Variants in MAP3K20 observed in about 807,000 individuals in gnomAD.
The protein encoded by MAP3K20 is HCCS-4.
In MAP3K20, 40 loss-of-function variants were observed where a neutral mutation model predicts 85.7. That is an observed-to-expected ratio of 0.47 (90% CI 0.36 to 0.61). MAP3K20 has a LOEUF of 0.61. Ranked by LOEUF, MAP3K20 falls within the 20% of genes least tolerant of loss-of-function variation. MAP3K20 has a pLI of 0.00. For missense variants in MAP3K20, 817 were observed against 961.7 expected (o/e 0.85, Z 1.99); for synonymous variants, 325 against 327.7 (o/e 0.99, Z 0.09).
intron 1 of MAP3K20, among the ~76,000 whole-genome samples, chr2:173,088,037 A>G (rs1687188597): frequency 6.6e-6 from 1 of 150,912 alleles, no homozygotes; most frequent in Non-Finnish European, 1.5e-5. Flanking sequence ...GCCTAGAAGG[A>G]GTGTCTCTAA....
intron 2 of MAP3K20, among the ~76,000 whole-genome samples, chr2:173,134,424 A>ATTTTT (rs1315509260): frequency 1.2e-3 from 6 of 5,036 alleles, no homozygotes; most frequent in East Asian, 4.3e-3. Flanking sequence ...ATATATATAT[A>ATTTTT]TATATTTTTT....
chr2:173,095,688 G>A (rs1687437439), intron 2 of MAP3K20, among the ~76,000 whole-genome samples: 1 of 152,118 alleles, frequency 6.6e-6, no homozygotes. Flanking sequence ...ATTCTTCTCA[G>A]ATGTATAACA....
chr2:173,084,201 G>T lies in MAP3K20; in HGVS notation c.-34-6797G>T, dbSNP rs532303971. On this transcript the variant is annotated intron_variant, in intron 1 of 19. Transcript: ENST00000375213. ...TGGGATTGCAGGTGTGAGCCACTGT[G>T]CCCGGCCAAAGTAGATTTAATTTTT... Among the ~76,000 whole-genome samples, 18 of 152,264 alleles carry T rather than the reference G, an allele frequency of 1.2e-4. No homozygotes were observed. The South Asian group carries it at 3.7e-3, about 32-fold the overall frequency.
intron 3 of MAP3K20, among the ~76,000 whole-genome samples, chr2:173,179,218 C>T (rs1690252710): frequency 1.3e-5 from 2 of 151,728 alleles, no homozygotes; most frequent in South Asian, 4.2e-4. Flanking sequence ...ACAGTGAAAC[C>T]CCGTCTCTAC....
chr2:173,134,411 TATA>T (rs1688725352), intron 2 of MAP3K20, among the ~76,000 whole-genome samples: 5 of 10,180 alleles, frequency 4.9e-4, no homozygotes, highest in South Asian at 1.8e-3. Context: ...TATATATATA[TATA>T]TATATATATA....
chr2:173,140,037 G>A (rs188037748), intron 2 of MAP3K20, among the ~76,000 whole-genome samples: 2,011 of 150,684 alleles, frequency 0.013, 25 homozygotes, highest in Middle Eastern at 0.024. Context: ...ATTAGATGGA[G>A]TTTCACTCTT....
Position 173,153,970 on chromosome 2 carries a change from CAG to C in MAP3K20, c.160-15830_160-15829del, listed in dbSNP as rs1381254713. ...TCCACGGATATGGAGCCCGCAGATA[CAG>C]AGAGTCGACTGTTTGTTTTCTTGCT... On this transcript the variant is annotated intron_variant, in intron 2 of 19. Coordinates refer to ENST00000375213, the MANE Select transcript of MAP3K20 (RefSeq NM_016653.3). Among the ~76,000 whole-genome samples the C allele has an allele frequency of 1.1e-4, 16 of 152,224 alleles. No individual in the cohort carries two copies. The South Asian group carries it at 2.1e-3, about 20-fold the overall frequency.
chr2:173,169,825 C>T lies in MAP3K20; in HGVS notation c.180C>T (p.Leu60=), dbSNP rs1689948333. Residue 60 remains leucine, a synonymous_variant, in exon 3 of 20, where the codon CTC becomes CTT. Coordinates refer to ENST00000375213, the MANE Select transcript of MAP3K20 (RefSeq NM_016653.3). ...IEKEAEILSV[L]SHRNIIQFYG... ...TACAGGCAGAAATACTCAGTGTCCT[C>T]AGTCACAGAAACATCATCCAGTTTT... 2 of 1,613,818 alleles carry T rather than the reference C, an allele frequency of 1.2e-6. No individual in the cohort carries two copies. The highest frequency in any genetic ancestry group is 8.5e-7 in the Non-Finnish European group (1 of 1,179,888).
chr2:173,136,777 A>G (rs536378545), intron 2 of MAP3K20, among the ~76,000 whole-genome samples: 3 of 152,200 alleles, frequency 2.0e-5, no homozygotes, highest in Non-Finnish European at 4.4e-5. Context: ...ATCTCTCAGA[A>G]TAGCTCTTCC....
chr2:173,248,824 C>A (rs1315198887), intron 16 of MAP3K20, among the ~76,000 whole-genome samples: 1 of 152,212 alleles, frequency 6.6e-6, no homozygotes, highest in Admixed American at 6.5e-5. Context: ...ACTATTGGGT[C>A]TCTCTTAGTC....
intron 2 of MAP3K20, among the ~76,000 whole-genome samples, chr2:173,141,567 CAT>C (rs527984096): frequency 2.0e-5 from 3 of 152,230 alleles, no homozygotes; most frequent in Admixed American, 6.5e-5. Flanking sequence ...AGCAGTTACA[CAT>C]GAGACAATGT....
chr2:173,204,063 A>T (rs142979539), intron 9 of MAP3K20, among the ~76,000 whole-genome samples, 193 bp downstream of exon 9: 38 of 152,234 alleles, frequency 2.5e-4, no homozygotes, highest in African/African-American at 9.1e-4. Flanking sequence ...CTCATTATTA[A>T]CTCATTCTCA....
intron 15 of MAP3K20, 122 bp downstream of exon 15, chr2:173,238,557 G>C: frequency 2.3e-6 from 2 of 886,728 alleles, no homozygotes; most frequent in Non-Finnish European, 3.5e-6. Flanking sequence ...CATCATATCT[G>C]TCTAACAAAA....
intron 7 of MAP3K20, among the ~76,000 whole-genome samples, chr2:173,191,947 T>C (rs1262724348): frequency 6.6e-6 from 1 of 152,102 alleles, no homozygotes; most frequent in East Asian, 1.9e-4. Flanking sequence ...GTGGGAGAGT[T>C]CTTTGCTGGA....
At chr2:173,172,330 G>GT (rs11384409) in intron 3 of MAP3K20, among the ~76,000 whole-genome samples, 34,091 of 149,084 alleles carry the variant, frequency 0.23, 4,022 homozygotes, top group African/African-American at 0.29. Context: ...ATTTGAGGTA[G>GT]TTTTTTTTTT....
At position 173,137,094 on chromosome 2, in the gene MAP3K20, T is replaced by C. The variant is rs570158353; in HGVS notation, c.160-32711T>C. Among the ~76,000 whole-genome samples the C allele has an allele frequency of 1.2e-4, 18 of 152,386 alleles. No homozygotes were observed. In the East Asian group the frequency reaches 3.1e-3, roughly 26 times the overall value. On this transcript the variant is annotated intron_variant, in intron 2 of 19. Coordinates refer to ENST00000375213, the MANE Select transcript of MAP3K20 (RefSeq NM_016653.3). ...CTGACCTAAAAAGGATTGATGGCTG[T>C]GTTTGTGAACTTTACGTGGGAAAAC...
At chr2:173,075,764 C>T (rs944720033), upstream of MAP3K20, 6 of 985,342 alleles carry the variant, frequency 6.1e-6, no homozygotes, top group Non-Finnish European at 7.2e-6. Context: ...CCCCACGCCC[C>T]GCTCGCCCGC....
At chr2:173,163,721 T>C (rs868082604) in intron 2 of MAP3K20, among the ~76,000 whole-genome samples, 1 of 152,196 alleles carries the variant, frequency 6.6e-6, no homozygotes, top group African/African-American at 2.4e-5. Flanking sequence ...AACATGTGTC[T>C]TTATGGTAGA....
rs999411721 is a variant in MAP3K20 at position 173,266,240 on chromosome 2, C to A, written c.1893C>A (p.Asn631Lys). 3.7e-6 allele frequency: 6 copies of A among 1,614,004 alleles called. No homozygotes were observed. The highest frequency in any genetic ancestry group is 1.3e-5 in the African/African-American group (1 of 74,902). The change falls in exon 20 of 20, where the codon AAC (asparagine) becomes AAA (lysine). Residue 631 changes from asparagine (N) to lysine (K), a missense_variant. By Grantham distance (94) the Asn-to-Lys change is moderately conservative. Coordinates refer to ENST00000375213, the MANE Select transcript of MAP3K20 (RefSeq NM_016653.3). ...AGTATCAACAGATTACACCTGTGAACCAGTCCAGAAGCTCGTCTCCTACTC... is the reference window on the plus strand; with the variant it reads ...AGTATCAACAGATTACACCTGTGAAACAGTCCAGAAGCTCGTCTCCTACTC... ...PIKYQQITPVNQSRSSSPTQY... is the reference protein window; with the variant it reads ...PIKYQQITPVKQSRSSSPTQY...
Sources: allele counts gnomAD v4.1 joint callset (sites outside exome capture counted in the v4.1 genomes callset), GRCh38; gene constraint gnomAD v4.1.1; transcripts MANE v1.5; gene names NCBI Gene and HGNC (gene_info 2026-07-23, HGNC 2026-07-21).